HPSE2: variants seen among roughly 807,000 people sequenced by gnomAD.
HPSE2 encodes inactive heparanase-2.
A neutral mutation model predicts 60.5 loss-of-function variants in HPSE2; 38 were observed. That is an observed-to-expected ratio of 0.63 (90% CI 0.48 to 0.82). The LOEUF (loss-of-function observed/expected upper bound fraction) is 0.82. Ranked by LOEUF, HPSE2 falls within the 40% of genes least tolerant of loss-of-function variation. The pLI is 0.00. For synonymous variants in HPSE2, 295 were observed against 293.2 expected, an observed-to-expected ratio of 1.01 and a Z score of -0.06; for missense variants, 713 against 740.4, an observed-to-expected ratio of 0.96 and a Z score of 0.43.
chr10:99,304,267 C>T, the HPSE2 span, among the ~76,000 whole-genome samples: 2 of 152,214 alleles, frequency 1.3e-5, no homozygotes, highest in Non-Finnish European at 2.9e-5. Context: ...CTTTCCATGG[C>T]AATGACCCAG....
At chr10:98,616,645 C>G (rs1282516264) in intron 8 of HPSE2, among the ~76,000 whole-genome samples, 4 of 151,960 alleles carry the variant, frequency 2.6e-5, no homozygotes, top group Non-Finnish European at 5.9e-5. Context: ...CAAATATTTA[C>G]TGACAATTAG....
At chr10:99,150,844 A>C (rs1476770941) in intron 2 of HPSE2, among the ~76,000 whole-genome samples, 1 of 152,148 alleles carries the variant, frequency 6.6e-6, no homozygotes, top group Non-Finnish European at 1.5e-5. Context: ...AAAAGACCTA[A>C]AAAATGCCAC....
At chr10:98,839,853 GGAGA>G (rs1951870646) in intron 3 of HPSE2, among the ~76,000 whole-genome samples, 4 of 152,104 alleles carry the variant, frequency 2.6e-5, no homozygotes, top group African/African-American at 9.7e-5. Context: ...TTCAAATGGA[GGAGA>G]GAGTGATGAT....
At chr10:99,304,248 T>G in the HPSE2 span, among the ~76,000 whole-genome samples, 1 of 152,052 alleles carries the variant, frequency 6.6e-6, no homozygotes, top group Non-Finnish European at 1.5e-5. Flanking sequence ...CACCCAGGAG[T>G]TACTGCCCCT....
At chr10:99,306,836 G>A in the HPSE2 span, among the ~76,000 whole-genome samples, 5 of 152,152 alleles carry the variant, frequency 3.3e-5, no homozygotes, top group Admixed American at 2.6e-4. Context: ...CAGCCTTCCC[G>A]AGTAGCTGGG....
the HPSE2 span, among the ~76,000 whole-genome samples, chr10:99,263,368 T>A: frequency 1.3e-5 from 2 of 152,236 alleles, no homozygotes; most frequent in Non-Finnish European, 2.9e-5. Context: ...TGTCAATATT[T>A]ATGCTGACTC....
At chr10:99,193,025 A>G (rs776658992) in intron 2 of HPSE2, among the ~76,000 whole-genome samples, 1 of 152,168 alleles carries the variant, frequency 6.6e-6, no homozygotes, top group African/African-American at 2.4e-5. Flanking sequence ...TATATAAACT[A>G]CTCATATCTT....
intron 5 of HPSE2, among the ~76,000 whole-genome samples, chr10:98,702,955 T>C (rs1948449842): frequency 2.0e-5 from 3 of 151,474 alleles, no homozygotes. Flanking sequence ...AGGAGATAGA[T>C]GCATGAAAAA....
At chr10:99,095,973 A>C (rs1843705196) in intron 3 of HPSE2, among the ~76,000 whole-genome samples, 1 of 152,162 alleles carries the variant, frequency 6.6e-6, no homozygotes, top group Non-Finnish European at 1.5e-5. Flanking sequence ...GTGAAATCTG[A>C]AACTATTATT....
At chr10:99,153,507 G>A (rs968868289) in intron 2 of HPSE2, among the ~76,000 whole-genome samples, 4 of 151,486 alleles carry the variant, frequency 2.6e-5, no homozygotes, top group Non-Finnish European at 4.4e-5. Flanking sequence ...CACCTCACAC[G>A]GCAGGGTATT....
chr10:98,749,930 C>CCA (rs1949715544), intron 3 of HPSE2, among the ~76,000 whole-genome samples: 4 of 97,006 alleles, frequency 4.1e-5, no homozygotes, highest in Non-Finnish European at 8.7e-5. Context: ...ATATTAAACA[C>CCA]TATATATATA....
intron 3 of HPSE2, among the ~76,000 whole-genome samples, chr10:98,893,494 T>C (rs1209012065): frequency 2.0e-5 from 3 of 152,182 alleles, no homozygotes. Context: ...TCTGCATTTA[T>C]AGATTCAAAT....
intron 9 of HPSE2, among the ~76,000 whole-genome samples, chr10:98,591,818 G>GCGTATACACTGCATTA (rs1945099602): frequency 1.3e-5 from 2 of 152,054 alleles, no homozygotes; most frequent in Non-Finnish European, 2.9e-5. Flanking sequence ...ATGTATCAGC[G>GCGTATACACTGCATTA]CACGTATAAC....
intron 9 of HPSE2, among the ~76,000 whole-genome samples, chr10:98,533,502 TG>T (rs1437469473): frequency 2.6e-5 from 4 of 152,238 alleles, no homozygotes; most frequent in African/African-American, 9.6e-5. Context: ...TTTAAACATA[TG>T]TTTTTTATAT....
At chr10:98,875,110 T>C (rs759028610) in intron 3 of HPSE2, among the ~76,000 whole-genome samples, 13 of 151,778 alleles carry the variant, frequency 8.6e-5, no homozygotes, top group Non-Finnish European at 1.8e-4. Context: ...AACATCACAA[T>C]AAAAGAGCTA....
intron 3 of HPSE2, chr10:99,047,824 G>T: frequency 1.2e-6 from 1 of 805,714 alleles, no homozygotes; most frequent in South Asian, 1.3e-5. Flanking sequence ...AGGAATATAG[G>T]CAGATGTACA....
chr10:98,921,478 G>A (rs1484695807), intron 3 of HPSE2, among the ~76,000 whole-genome samples: 6 of 152,208 alleles, frequency 3.9e-5, no homozygotes, highest in Non-Finnish European at 5.9e-5. Context: ...GACAGCTGGA[G>A]AGGGCCAAAA....
chr10:99,087,216 A>C (rs1843351511), intron 3 of HPSE2, among the ~76,000 whole-genome samples: 1 of 152,232 alleles, frequency 6.6e-6, no homozygotes, highest in Non-Finnish European at 1.5e-5. Context: ...TGTAAACTTA[A>C]ATAGTAATGG....
At chr10:98,575,646 G>T (rs1410493379) in intron 9 of HPSE2, among the ~76,000 whole-genome samples, 6 of 152,088 alleles carry the variant, frequency 3.9e-5, no homozygotes, top group African/African-American at 1.4e-4. Flanking sequence ...AAAAATAAAG[G>T]CTCAGAGAGA....
Sources: gnomAD v4.1 joint callset for allele counts (sites outside exome capture counted in the v4.1 genomes callset) on GRCh38, gnomAD v4.1.1 for gene constraint, MANE v1.5 for transcripts, NCBI Gene and HGNC (gene_info 2026-07-23, HGNC 2026-07-21) for gene names.